Variants in ADGRF1 observed in about 807,000 individuals in gnomAD.
The protein encoded by ADGRF1 is adhesion G protein-coupled receptor F1.
A neutral mutation model predicts 87.2 loss-of-function variants in ADGRF1; 85 were observed. The ratio of observed to expected loss-of-function variants is 0.97; its 90% CI spans 0.82 to 1.17. The LOEUF (loss-of-function observed/expected upper bound fraction) is 1.17. ADGRF1 is among the 50% of genes most tolerant of loss of function. The probability of loss-of-function intolerance (pLI) is 0.00; values close to 1 mark genes in which losing one functional copy is unlikely to be tolerated. For missense variants in ADGRF1, 1,169 were observed against 1,077.2 expected, an observed-to-expected ratio of 1.09 and a Z score of -1.19; for synonymous variants, 430 against 408.8, an observed-to-expected ratio of 1.05 and a Z score of -0.63.
intron 7 of ADGRF1, chr6:47,019,240 A>G: frequency 1.1e-6 from 1 of 908,372 alleles, no homozygotes; most frequent in African/African-American, 1.8e-5. Context: ...AAAGAAAAAT[A>G]TGAATATTGA....
intron 1 of ADGRF1, among the ~76,000 whole-genome samples, chr6:47,040,451 G>A (rs958816737): frequency 1.8e-4 from 27 of 151,992 alleles, no homozygotes; most frequent in African/African-American, 4.3e-4. Flanking sequence ...CAGCCTGGGC[G>A]ACAGAGTGAG....
In ADGRF1 at chr6:47,008,926, T is replaced by A. The variant is rs773667710; in HGVS notation, c.2490+19A>T. ...TCCAATCACTTGACAATACAATAGG[T>A]TATTGTTACTGTTCTCACCTGGAAT... is the stretch of plus-strand genomic sequence containing the variant. On this transcript the variant is annotated intron_variant, in intron 11 of 14. Coordinates refer to ENST00000371253, the MANE Select transcript of ADGRF1 (RefSeq NM_153840.4). 8.4e-6 allele frequency: 13 copies of A among 1,554,678 alleles called. No homozygotes were observed. The highest frequency in any genetic ancestry group is 8.2e-5 in the African/African-American group (6 of 73,204).
At chr6:47,015,454 A>C (rs571140473) in intron 8 of ADGRF1, among the ~76,000 whole-genome samples, 1 of 152,054 alleles carries the variant, frequency 6.6e-6, no homozygotes, top group East Asian at 1.9e-4. Flanking sequence ...CTTGTTGCCC[A>C]GGCTGGAGTG....
At chr6:47,027,848 A>G in intron 2 of ADGRF1, 87 bp from the exon 3 acceptor site, 2 of 858,422 alleles carry the variant, frequency 2.3e-6, no homozygotes, top group Admixed American at 1.9e-5. Context: ...ATGAATTAAA[A>G]TCATGAATCT....
At chr6:47,003,335 A>G (rs1779416384) in intron 13 of ADGRF1, among the ~76,000 whole-genome samples, 2 of 152,228 alleles carry the variant, frequency 1.3e-5, no homozygotes, top group African/African-American at 4.8e-5. Flanking sequence ...ACCACAAAAT[A>G]TATTTCTTTG....
chr6:47,018,312 C>T, intron 7 of ADGRF1: 4 of 1,049,774 alleles, frequency 3.8e-6, no homozygotes, highest in Non-Finnish European at 4.9e-6. Flanking sequence ...GTGTATCATT[C>T]CCATTTTATA....
chr6:47,021,943 G>T lies in ADGRF1; in HGVS notation c.552+15C>A. 1 of 1,372,468 alleles carries T rather than the reference G, an allele frequency of 7.3e-7. No individual in the cohort carries two copies. The highest frequency in any genetic ancestry group is 1.0e-6 in the Non-Finnish European group (1 of 969,884). The allele number at this position is 1,372,468 out of a possible 1,614,324, so 85.0% of individuals were successfully genotyped here. The stretch of plus-strand genomic sequence containing the variant: ...TAGCAAACGATTCCTTATATAATAA[G>T]TAGAAAGTGCTTACTTGAATTTCAA... On this transcript the variant is annotated intron_variant, in intron 6 of 14. Coordinates refer to ENST00000371253, the MANE Select transcript of ADGRF1 (RefSeq NM_153840.4).
In ADGRF1 at chr6:47,010,215, G is replaced by A. The variant is rs1356012113; in HGVS notation, c.1220C>T (p.Thr407Ile). The change falls in exon 11 of 15, where the codon ACA (threonine) becomes ATA (isoleucine). Residue 407 changes from threonine (T) to isoleucine (I), a missense_variant. Thr to Ile is a moderately conservative substitution (Grantham distance 89). Transcript: ENST00000371253. ...CACCAGAGTGCTGATGTTTTCTAAT[G>A]TCTCTAGTAACCGTGAGCTGGCATA... ...EKYASSRLLE[T>I]LENISTLVPP... The A allele has an allele frequency of 6.2e-6, 10 of 1,613,978 alleles. No individual in the cohort carries two copies. The highest frequency in any genetic ancestry group is 1.7e-5 in the Admixed American group (1 of 60,002).
At chr6:47,022,804 C>CTTTTTT (rs11286179) in intron 5 of ADGRF1, among the ~76,000 whole-genome samples, 49 of 119,236 alleles carry the variant, frequency 4.1e-4, no homozygotes, top group African/African-American at 1.1e-3. Flanking sequence ...TTTCTTTTTT[C>CTTTTTT]TTTTTTTTTT....
Position 47,009,796 on chromosome 6 carries a change from C to A in ADGRF1, c.1639G>T (p.Ala547Ser), listed in dbSNP as rs747061232. 1 of 1,614,146 alleles carries A rather than the reference C, an allele frequency of 6.2e-7. No homozygotes were observed. Among genetic ancestry groups the A allele is most frequent in the South Asian group, 1.1e-5 (1 of 91,084 alleles). ...WDFSHLQWND[A>S]GCHLVNETQD... Reference sequence around the variant, plus strand: ...GTTTCATTCACTAGGTGGCAGCCTGCATCGTTCCACTGCAAATGACTGAAA... The same window carrying A: ...GTTTCATTCACTAGGTGGCAGCCTGAATCGTTCCACTGCAAATGACTGAAA... The change falls in exon 11 of 15, where the codon GCA becomes TCA. Residue 547 changes from alanine to serine, a missense_variant. By Grantham distance (99) the Ala-to-Ser change is moderately conservative. Transcript: ENST00000371253.
In ADGRF1 at chr6:46,998,230, T is replaced by C. The variant is rs1582127058; in HGVS notation, c.*1992A>G. 6.6e-6 allele frequency: 1 copy of C among 152,210 alleles called. No homozygotes were observed. The highest frequency in any genetic ancestry group is 1.5e-5 in the Non-Finnish European group (1 of 68,048). The allele number at this position is 152,210 out of a possible 1,614,324, so 9.4% of individuals were successfully genotyped here. ...GGGTTCTCTGGATAGTAATTGTGTG[T>C]AATAAGAGAGGGAGCATTCAAGAAC... On this transcript the variant is annotated 3_prime_UTR_variant, in exon 15 of 15. Transcript: ENST00000371253.
intron 1 of ADGRF1, among the ~76,000 whole-genome samples, chr6:47,035,176 G>A (rs191182311): frequency 3.9e-5 from 6 of 152,282 alleles, no homozygotes; most frequent in Admixed American, 2.0e-4. Context: ...AGACCCAGCC[G>A]CTTGTGGTTC....
intron 7 of ADGRF1, chr6:47,020,429 G>A (rs1249768603): frequency 4.8e-6 from 5 of 1,037,044 alleles, no homozygotes; most frequent in Non-Finnish European, 1.4e-6. Flanking sequence ...CCGGTAGGCA[G>A]AGGTTGCAGG....
At chr6:47,027,049 C>CA (rs1287190098) in intron 3 of ADGRF1, among the ~76,000 whole-genome samples, 8 of 152,334 alleles carry the variant, frequency 5.3e-5, no homozygotes, top group Non-Finnish European at 1.0e-4. Flanking sequence ...GTACCAGACT[C>CA]AGAGGGTCAG....
intron 6 of ADGRF1, among the ~76,000 whole-genome samples, chr6:47,021,595 A>G (rs1400359363): frequency 6.6e-6 from 1 of 152,130 alleles, no homozygotes; most frequent in Non-Finnish European, 1.5e-5. Context: ...TCCTGACCTC[A>G]AGTGATCTGC....
chr6:47,021,513 C>T (rs1477270329), intron 6 of ADGRF1, among the ~76,000 whole-genome samples: 1 of 152,086 alleles, frequency 6.6e-6, no homozygotes, highest in Non-Finnish European at 1.5e-5. Context: ...GTGTATGTCA[C>T]TATGCCCTGC....
At chr6:47,016,230 G>C (rs1298311547) in intron 8 of ADGRF1, among the ~76,000 whole-genome samples, 1 of 152,124 alleles carries the variant, frequency 6.6e-6, no homozygotes, top group Non-Finnish European at 1.5e-5. Flanking sequence ...GTGTGTGTGC[G>C]TGTCTGTCTG....
At chr6:47,041,492 A>G (rs751728721) in intron 1 of ADGRF1, among the ~76,000 whole-genome samples, 2 of 152,204 alleles carry the variant, frequency 1.3e-5, no homozygotes, top group Non-Finnish European at 2.9e-5. Context: ...GGCATGGTAC[A>G]TTACATAGGC....
At chr6:47,018,795 C>T (rs1779954305) in intron 7 of ADGRF1, 1 of 284,234 alleles carries the variant, frequency 3.5e-6, no homozygotes, top group Admixed American at 4.8e-5. Flanking sequence ...ATCATATATG[C>T]AAAAAGTAAA....
Sources: gnomAD v4.1 joint callset for allele counts (sites outside exome capture counted in the v4.1 genomes callset) on GRCh38, gnomAD v4.1.1 for gene constraint, MANE v1.5 for transcripts, NCBI Gene and HGNC (gene_info 2026-07-23, HGNC 2026-07-21) for gene names.